TAPT1: variants seen among roughly 807,000 people sequenced by gnomAD.
TAPT1 encodes the protein transmembrane anterior posterior transformation 1.
A neutral mutation model predicts 65.6 loss-of-function variants in TAPT1; 28 were observed. The ratio of observed to expected loss-of-function variants is 0.43; its 90% CI spans 0.32 to 0.59. The LOEUF (loss-of-function observed/expected upper bound fraction) is 0.59, where lower values mean the gene tolerates loss of function less well. Ranked by LOEUF, TAPT1 falls within the 20% of genes least tolerant of loss-of-function variation. The probability of loss-of-function intolerance (pLI) is 0.09; values close to 1 mark genes in which losing one functional copy is unlikely to be tolerated. For synonymous variants in TAPT1, 278 were observed against 245.2 expected, an observed-to-expected ratio of 1.13 and a Z score of -1.25; for missense variants, 563 against 679.9, an observed-to-expected ratio of 0.83 and a Z score of 1.91.
intron 5 of TAPT1, 81 bp downstream of exon 5, chr4:16,188,139 A>C (rs1749132626): frequency 8.2e-7 from 1 of 1,216,370 alleles, no homozygotes; most frequent in South Asian, 1.8e-5. Flanking sequence ...ATATCTTTAA[A>C]TCTATAAAAT....
intron 1 of TAPT1, among the ~76,000 whole-genome samples, chr4:16,223,434 A>G (rs1751372515): frequency 6.6e-6 from 1 of 152,226 alleles, no homozygotes; most frequent in Admixed American, 6.5e-5. Context: ...GTTCTTGATA[A>G]CCACTACATC....
Position 16,166,628 on chromosome 4 carries a change from C to A in TAPT1, c.1474+5G>T. The A allele has an allele frequency of 6.2e-7, 1 of 1,613,158 alleles. No individual in the cohort carries two copies. The highest frequency in any genetic ancestry group is 1.1e-5 in the South Asian group (1 of 91,054). ...CAGGGAAGTGAAGAAAGGGACCAAA[C>A]CTACCTTGAGAGGGTTTACATTTGT... On this transcript the variant is annotated splice_donor_5th_base_variant and intron_variant, in intron 13 of 13. Transcript: ENST00000405303.
Position 16,213,761 on chromosome 4 carries a change from A to G in TAPT1, c.330+7T>C. ...AATGATGTCTGGTAATGAAGAAAAAATAGTACCTTTTCCAATTCTCTTGGT... is the reference window on the plus strand; with the variant it reads ...AATGATGTCTGGTAATGAAGAAAAAGTAGTACCTTTTCCAATTCTCTTGGT... On this transcript the variant is annotated splice_region_variant and intron_variant, in intron 2 of 13. Transcript: ENST00000405303. 6.4e-7 allele frequency: 1 copy of G among 1,553,370 alleles called. No homozygotes were observed.
intron 1 of TAPT1, among the ~76,000 whole-genome samples, chr4:16,220,750 A>G (rs946163873): frequency 6.6e-6 from 1 of 151,074 alleles, no homozygotes; most frequent in African/African-American, 2.4e-5. Context: ...TCTATCTCAA[A>G]AAAAAAAAAA....
intron 7 of TAPT1, 126 bp downstream of exon 7, chr4:16,186,409 T>C: frequency 1.7e-6 from 1 of 605,408 alleles, no homozygotes; most frequent in Non-Finnish European, 2.9e-6. Context: ...GTAAAGATGT[T>C]GATAGCATAA....
chr4:16,207,338 A>T (rs1481184423), intron 2 of TAPT1, among the ~76,000 whole-genome samples: 1 of 152,226 alleles, frequency 6.6e-6, no homozygotes, highest in Non-Finnish European at 1.5e-5. Flanking sequence ...AATAGTCATT[A>T]CGTTTTCTTA....
At chr4:16,200,391 T>C (rs201016515) in intron 3 of TAPT1, among the ~76,000 whole-genome samples, 1 of 151,992 alleles carries the variant, frequency 6.6e-6, no homozygotes, top group Non-Finnish European at 1.5e-5. Context: ...GGCATAATCA[T>C]GGCTCACTGC....
intron 12 of TAPT1, among the ~76,000 whole-genome samples, chr4:16,168,680 A>C (rs1433479167): frequency 6.6e-6 from 1 of 152,190 alleles, no homozygotes; most frequent in East Asian, 1.9e-4. Flanking sequence ...TTTCTTCCTA[A>C]TGATTCCTAC....
chr4:16,193,600 A>G (rs1749514699), intron 3 of TAPT1, among the ~76,000 whole-genome samples: 1 of 152,222 alleles, frequency 6.6e-6, no homozygotes, highest in Non-Finnish European at 1.5e-5. Context: ...AAAATGGAAG[A>G]CCTATTATAT....
At chr4:16,171,049 G>A (rs537119731) in intron 11 of TAPT1, among the ~76,000 whole-genome samples, 25 of 152,320 alleles carry the variant, frequency 1.6e-4, no homozygotes, top group Admixed American at 8.5e-4. Flanking sequence ...ATACCTCACA[G>A]GGATGCAAAG....
At chr4:16,189,679 A>G (rs1749243976) in intron 4 of TAPT1, among the ~76,000 whole-genome samples, 2 of 152,240 alleles carry the variant, frequency 1.3e-5, no homozygotes, top group Admixed American at 1.3e-4. Context: ...CTTCCAGAGC[A>G]TGGACTCTCA....
intron 1 of TAPT1, among the ~76,000 whole-genome samples, chr4:16,214,146 AG>A (rs2108889859): frequency 6.6e-6 from 1 of 152,386 alleles, no homozygotes; most frequent in South Asian, 2.1e-4. Flanking sequence ...TAGAATAGTC[AG>A]AAAAGTATTT....
intron 12 of TAPT1, 56 bp downstream of exon 12, chr4:16,170,597 C>T (rs1747931021): frequency 1.5e-6 from 2 of 1,320,478 alleles, no homozygotes; most frequent in Non-Finnish European, 2.2e-6. Flanking sequence ...ACTTCCATTA[C>T]ATCTTGCATT....
chr4:16,223,133 T>C (rs1454196610), intron 1 of TAPT1, among the ~76,000 whole-genome samples: 1 of 152,100 alleles, frequency 6.6e-6, no homozygotes, highest in East Asian at 1.9e-4. Context: ...CCAAACTGAT[T>C]AGGCAAGCAG....
intron 4 of TAPT1, chr4:16,190,596 T>A (rs1409121414): frequency 6.5e-6 from 1 of 153,438 alleles, no homozygotes; most frequent in Non-Finnish European, 1.5e-5. Flanking sequence ...CGCCTCAGCC[T>A]CCCCAAGTGC....
chr4:16,212,433 T>G (rs1307456807), intron 2 of TAPT1, among the ~76,000 whole-genome samples: 1 of 152,230 alleles, frequency 6.6e-6, no homozygotes, highest in Non-Finnish European at 1.5e-5. Context: ...AACAGTCTTT[T>G]AAGACACAAG....
chr4:16,203,787 G>C (rs1750179968), intron 2 of TAPT1, among the ~76,000 whole-genome samples: 1 of 152,146 alleles, frequency 6.6e-6, no homozygotes, highest in Non-Finnish European at 1.5e-5. Flanking sequence ...TGTTATGGCA[G>C]CCCTAGCAAA....
intron 5 of TAPT1, 49 bp from the exon 6 acceptor site, chr4:16,186,927 T>C (rs749484679): frequency 3.9e-6 from 4 of 1,014,606 alleles, no homozygotes; most frequent in African/African-American, 1.6e-5. Context: ...ATATTATTAC[T>C]GATAATACTA....
At chr4:16,197,486 G>T (rs1408668515) in intron 3 of TAPT1, among the ~76,000 whole-genome samples, 1 of 152,092 alleles carries the variant, frequency 6.6e-6, no homozygotes, top group Non-Finnish European at 1.5e-5. Flanking sequence ...AGCACAAAAC[G>T]AAGTCACAAA....
Sources: allele counts gnomAD v4.1 joint callset (sites outside exome capture counted in the v4.1 genomes callset), GRCh38; gene constraint gnomAD v4.1.1; transcripts MANE v1.5; gene names NCBI Gene and HGNC (gene_info 2026-07-23, HGNC 2026-07-21).